Variants in ADGRV1 observed in about 807,000 individuals in gnomAD.
ADGRV1 encodes the protein G-protein coupled receptor 98.
A neutral mutation model predicts 596.2 loss-of-function variants in ADGRV1; 359 were observed. The observed-to-expected ratio is 0.60, with a 90% CI of 0.55 to 0.66. The LOEUF (loss-of-function observed/expected upper bound fraction) is 0.66. ADGRV1 is among the 30% of genes least tolerant of loss of function. The pLI is 0.00. For missense variants in ADGRV1, 7,274 were observed against 7,575.6 expected (o/e 0.96, Z 1.48); for synonymous variants, 2,681 against 2,679.2 (o/e 1.00, Z -0.02).
intron 87 of ADGRV1, among the ~76,000 whole-genome samples, chr5:91,136,180 T>C (rs1203406065): frequency 6.6e-6 from 1 of 152,078 alleles, no homozygotes; most frequent in Non-Finnish European, 1.5e-5. Flanking sequence ...CAAAATTCTG[T>C]TCTCTATTCT....
chr5:90,690,051 C>G lies in ADGRV1; in HGVS notation c.6681C>G (p.Ala2227=). 6.3e-7 allele frequency: 1 copy of G among 1,575,700 alleles called. No individual in the cohort carries two copies. The highest frequency in any genetic ancestry group is 8.6e-7 in the Non-Finnish European group (1 of 1,157,088). The change falls in exon 30 of 90, where the codon GCC becomes GCG. Residue 2227 remains alanine (A), a synonymous_variant. Coordinates refer to ENST00000405460, the MANE Select transcript of ADGRV1 (RefSeq NM_032119.4). ...ALTEAVIIIE[A]SDDPYGLFGF... The stretch of plus-strand genomic sequence containing the variant: ...CAGAGGCAGTCATTATTATTGAGGC[C>G]TCTGATGACCCCTATGGATTATTTG...
chr5:90,974,998 T>G (rs1243997349), intron 84 of ADGRV1, among the ~76,000 whole-genome samples: 1 of 149,060 alleles, frequency 6.7e-6, no homozygotes, highest in Non-Finnish European at 1.5e-5. Context: ...TCAAACAAAT[T>G]TACAAGAAAA....
chr5:91,152,489 T>G (rs1796143815), intron 88 of ADGRV1, among the ~76,000 whole-genome samples: 1 of 152,142 alleles, frequency 6.6e-6, no homozygotes, highest in Non-Finnish European at 1.5e-5. Flanking sequence ...CAAAAAAAAG[T>G]ATTTATTGGG....
At chr5:90,918,922 A>G (rs16869220) in intron 83 of ADGRV1, among the ~76,000 whole-genome samples, 1,932 of 152,270 alleles carry the variant, frequency 0.013, 47 homozygotes, top group African/African-American at 0.044. Flanking sequence ...TGCATAACCC[A>G]GAGACCTAAT....
chr5:90,751,325 C>T (rs1755228029), intron 53 of ADGRV1, among the ~76,000 whole-genome samples: 1 of 152,028 alleles, frequency 6.6e-6, no homozygotes, highest in African/African-American at 2.4e-5. Context: ...TATTGATATC[C>T]CCATTTTAGC....
chr5:90,776,302 T>C (rs1435260970), intron 60 of ADGRV1, 151 bp from the exon 61 acceptor site: 5 of 753,974 alleles, frequency 6.6e-6, no homozygotes, highest in Admixed American at 2.1e-5. Context: ...TTCAGAGTCA[T>C]AGGTAAAATG....
chr5:90,685,034 C>T (rs1348532001), intron 28 of ADGRV1, among the ~76,000 whole-genome samples: 2 of 152,182 alleles, frequency 1.3e-5, no homozygotes, highest in African/African-American at 2.4e-5. Context: ...AGAAGAGCAT[C>T]ATTCTGTTGT....
chr5:90,842,840 C>G lies in ADGRV1; in HGVS notation c.17019+1855C>G, dbSNP rs1037638665. 2.0e-5 allele frequency among the ~76,000 whole-genome samples: 3 copies of G among 152,164 alleles called. No individual in the cohort carries two copies. The South Asian group carries it at 6.2e-4, about 31-fold the overall frequency. On this transcript the variant is annotated intron_variant, in intron 78 of 89. Coordinates refer to ENST00000405460, the MANE Select transcript of ADGRV1 (RefSeq NM_032119.4). The stretch of plus-strand genomic sequence containing the variant: ...TTATTTTCAAATCAAGTTATTGTCA[C>G]TACTTTTTTAAAAATAGTATGATAT...
chr5:90,581,071 C>A (rs572188322), intron 1 of ADGRV1, among the ~76,000 whole-genome samples: 2 of 152,116 alleles, frequency 1.3e-5, no homozygotes, highest in African/African-American at 4.8e-5. Context: ...GCATGCGTCA[C>A]GAAGTTCTTG....
intron 1 of ADGRV1, among the ~76,000 whole-genome samples, chr5:90,594,026 C>T (rs1759894160): frequency 6.6e-6 from 1 of 152,114 alleles, no homozygotes; most frequent in Non-Finnish European, 1.5e-5. Context: ...ACCCCTCAAG[C>T]AAACACAAGT....
Position 90,925,112 on chromosome 5 carries a change from G to A in ADGRV1, c.17857-40303G>A, listed in dbSNP as rs528381241. On this transcript the variant is annotated intron_variant, in intron 83 of 89. Coordinates refer to ENST00000405460, the MANE Select transcript of ADGRV1 (RefSeq NM_032119.4). ...TGGCTTAGGATTGCCTTGGCGATGC[G>A]GGCTCTTTTTTGGTTCCATACTAAC... 3.6e-3 allele frequency among the ~76,000 whole-genome samples: 551 copies of A among 152,184 alleles called. 3 individuals are homozygous for A. The highest frequency in any genetic ancestry group is 0.012 in the African/African-American group (515 of 41,510).
At chr5:90,814,250 T>C (rs910994534) in intron 74 of ADGRV1, among the ~76,000 whole-genome samples, 12 of 152,178 alleles carry the variant, frequency 7.9e-5, no homozygotes, top group Non-Finnish European at 2.9e-5. Flanking sequence ...ATGTCCCTAA[T>C]AAAGGGGCTC....
At chr5:90,954,632 A>T (rs1777321987) in intron 83 of ADGRV1, among the ~76,000 whole-genome samples, 1 of 152,140 alleles carries the variant, frequency 6.6e-6, no homozygotes, top group Non-Finnish European at 1.5e-5. Flanking sequence ...ATTTGTGCAT[A>T]TGTTGCATTT....
intron 83 of ADGRV1, among the ~76,000 whole-genome samples, chr5:90,866,293 A>G (rs1403507645): frequency 7.4e-6 from 1 of 134,970 alleles, no homozygotes; most frequent in Non-Finnish European, 1.6e-5. Context: ...TATTATAACT[A>G]TAATTTATTG....
chr5:90,651,855 A>G, intron 18 of ADGRV1, 125 bp downstream of exon 18: 1 of 580,878 alleles, frequency 1.7e-6, no homozygotes, highest in Non-Finnish European at 2.9e-6. Context: ...CAAAGTTGGC[A>G]GTCTGAATGA....
intron 86 of ADGRV1, among the ~76,000 whole-genome samples, chr5:91,080,642 C>A (rs1259145013): frequency 2.0e-5 from 3 of 150,540 alleles, no homozygotes; most frequent in African/African-American, 7.4e-5. Flanking sequence ...AAAATTACTC[C>A]TTCATCTTCT....
intron 85 of ADGRV1, among the ~76,000 whole-genome samples, chr5:91,000,255 T>A (rs1781748857): frequency 6.6e-6 from 1 of 152,152 alleles, no homozygotes; most frequent in South Asian, 2.1e-4. Flanking sequence ...CAGCATTTTT[T>A]AATGGATTCA....
At chr5:90,919,994 C>CA (rs59122926) in intron 83 of ADGRV1, among the ~76,000 whole-genome samples, 1,419 of 79,736 alleles carry the variant, frequency 0.018, 26 homozygotes, top group Middle Eastern at 0.068. Context: ...AACTCCATCT[C>CA]AAAAAAAAAA....
chr5:90,941,175 G>A (rs1051342171), intron 83 of ADGRV1, among the ~76,000 whole-genome samples: 5 of 150,606 alleles, frequency 3.3e-5, no homozygotes, highest in Non-Finnish European at 7.4e-5. Context: ...ACCATCCAAA[G>A]CAAATAAAAC....
Sources: allele counts gnomAD v4.1 joint callset (sites outside exome capture counted in the v4.1 genomes callset), GRCh38; gene constraint gnomAD v4.1.1; transcripts MANE v1.5; gene names NCBI Gene and HGNC (gene_info 2026-07-23, HGNC 2026-07-21).